ENPEP: variants seen among roughly 807,000 people sequenced by gnomAD.
The protein encoded by ENPEP is glutamyl aminopeptidase.
ENPEP carries 103 observed loss-of-function variants against 114.5 expected under a neutral mutation model. The observed-to-expected ratio is 0.90, with a 90% CI of 0.77 to 1.06. The LOEUF is 1.06. Among genes scored for constraint, ENPEP ranks in the 50% least tolerant of loss-of-function variants. The pLI, the probability that ENPEP is intolerant of heterozygous loss-of-function variation, is 0.00. For synonymous variants in ENPEP, 420 were observed against 422.0 expected, an observed-to-expected ratio of 1.00 and a Z score of 0.06; for missense variants, 1,196 against 1,161.3, an observed-to-expected ratio of 1.03 and a Z score of -0.43.
chr4:110,547,149 G>T (rs1727100580), intron 13 of ENPEP, among the ~76,000 whole-genome samples: 3 of 152,016 alleles, frequency 2.0e-5, no homozygotes, highest in Admixed American at 2.0e-4. Context: ...GCTCAATATA[G>T]AAGAGCAAGA....
intron 18 of ENPEP, among the ~76,000 whole-genome samples, chr4:110,556,831 A>C (rs1170490158): frequency 6.6e-6 from 1 of 152,142 alleles, no homozygotes; most frequent in Non-Finnish European, 1.5e-5. Context: ...TTTAAATTAC[A>C]TTTCTTCCAT....
At chr4:110,523,405 C>T (rs1313104420) in intron 10 of ENPEP, among the ~76,000 whole-genome samples, 1 of 152,074 alleles carries the variant, frequency 6.6e-6, no homozygotes, top group Non-Finnish European at 1.5e-5. Context: ...TAAATTAAAC[C>T]TCTCTTCTTT....
intron 11 of ENPEP, among the ~76,000 whole-genome samples, chr4:110,536,866 T>A (rs1417663223): frequency 6.6e-6 from 1 of 152,230 alleles, no homozygotes; most frequent in Non-Finnish European, 1.5e-5. Flanking sequence ...TGAGAGATAC[T>A]GCAGTTTTGG....
chr4:110,508,283 A>G (rs1171386526), intron 4 of ENPEP, among the ~76,000 whole-genome samples: 1 of 152,006 alleles, frequency 6.6e-6, no homozygotes, highest in Non-Finnish European at 1.5e-5. Flanking sequence ...AAAAAAAAAA[A>G]AAAAATGAGA....
chr4:110,494,862 C>T (rs994766625), intron 3 of ENPEP, among the ~76,000 whole-genome samples: 7 of 152,144 alleles, frequency 4.6e-5, no homozygotes, highest in Non-Finnish European at 1.0e-4. Flanking sequence ...GAATTTTTTA[C>T]AATTCTGCAA....
chr4:110,476,617 C>T lies in ENPEP; in HGVS notation c.203C>T (p.Ser68Leu). 6.2e-7 allele frequency: 1 copy of T among 1,614,202 alleles called. No homozygotes were observed. Among genetic ancestry groups the T allele is most frequent in the Non-Finnish European group, 8.5e-7 (1 of 1,180,044 alleles). Reference protein sequence around the residue: ...SHLPSSTASPSGPPAQDQDIC... With the variant: ...SHLPSSTASPLGPPAQDQDIC... ...CTGCCTTCTTCCACGGCCAGCCCCT[C>T]AGGTCCTCCTGCCCAGGACCAGGAC... is the stretch of plus-strand genomic sequence containing the variant. The change falls in exon 1 of 20, where the codon TCA becomes TTA. Residue 68 changes from serine to leucine, a missense_variant. By Grantham distance (145) the Ser-to-Leu change is moderately radical (BLOSUM62 -2). Coordinates refer to ENST00000265162, the MANE Select transcript of ENPEP (RefSeq NM_001977.4).
intron 3 of ENPEP, among the ~76,000 whole-genome samples, chr4:110,493,748 C>A (rs527832579): frequency 6.6e-6 from 1 of 152,234 alleles, no homozygotes; most frequent in South Asian, 2.1e-4. Context: ...TAGTTGACAC[C>A]CACCCAAGTA....
chr4:110,516,925 C>A (rs1462859346), intron 8 of ENPEP, among the ~76,000 whole-genome samples: 5 of 151,850 alleles, frequency 3.3e-5, no homozygotes, highest in African/African-American at 1.2e-4. Flanking sequence ...TCATATATTC[C>A]CTCACTGTAA....
chr4:110,481,207 C>A (rs1724300132), intron 1 of ENPEP, among the ~76,000 whole-genome samples: 1 of 151,770 alleles, frequency 6.6e-6, no homozygotes, highest in East Asian at 1.9e-4. Context: ...ATACTAAATA[C>A]AAAATGATCT....
rs1230294274 is a variant in ENPEP at position 110,513,552 on chromosome 4, G to A, written c.1443+3G>A. On this transcript the variant is annotated splice_donor_region_variant and intron_variant, in intron 7 of 19. Transcript: ENST00000265162. ...TTGATGGAATATCCTATAGCAAGGT[G>A]GGAGAAATAGAACATTGTTTTGAAC... 1 of 1,610,614 alleles carries A rather than the reference G, an allele frequency of 6.2e-7. No homozygotes were observed. The highest frequency in any genetic ancestry group is 8.5e-7 in the Non-Finnish European group (1 of 1,178,714).
intron 4 of ENPEP, among the ~76,000 whole-genome samples, chr4:110,507,053 G>T (rs1436896339): frequency 6.6e-6 from 1 of 152,200 alleles, no homozygotes; most frequent in Non-Finnish European, 1.5e-5. Flanking sequence ...GCTTGGTAGT[G>T]ATGGAGCCAC....
intron 18 of ENPEP, 118 bp downstream of exon 18, chr4:110,553,573 A>G (rs902103345): frequency 7.8e-5 from 77 of 993,210 alleles, no homozygotes; most frequent in Non-Finnish European, 1.0e-4. Flanking sequence ...TGGCATTATT[A>G]GAGGTAAAGG....
At chr4:110,492,911 A>G (rs550552687) in intron 3 of ENPEP, among the ~76,000 whole-genome samples, 3 of 152,342 alleles carry the variant, frequency 2.0e-5, no homozygotes, top group African/African-American at 7.2e-5. Flanking sequence ...TTCCCATACC[A>G]AGTTTTAAAA....
At chr4:110,531,881 A>G (rs1290582557) in intron 11 of ENPEP, among the ~76,000 whole-genome samples, 1 of 152,098 alleles carries the variant, frequency 6.6e-6, no homozygotes. Context: ...TTGGTGTTTC[A>G]AAACTATTTC....
chr4:110,489,687 A>G (rs549361108), intron 2 of ENPEP, among the ~76,000 whole-genome samples: 1 of 152,290 alleles, frequency 6.6e-6, no homozygotes, highest in Admixed American at 6.5e-5. Flanking sequence ...TCTCATCCCT[A>G]TAATGGATAA....
At chr4:110,486,489 T>TA (rs770780128) in intron 1 of ENPEP, among the ~76,000 whole-genome samples, 3 of 152,276 alleles carry the variant, frequency 2.0e-5, no homozygotes, top group Non-Finnish European at 4.4e-5. Flanking sequence ...ACTTTGCACT[T>TA]ACGGTTCCTT....
chr4:110,480,900 G>T (rs1724290105), intron 1 of ENPEP, among the ~76,000 whole-genome samples: 2 of 152,134 alleles, frequency 1.3e-5, no homozygotes, highest in Admixed American at 1.3e-4. Context: ...CCACTTGGAA[G>T]GATTGGAACC....
rs189727522 is a variant in ENPEP at position 110,519,028 on chromosome 4, T to A, written c.1510-980T>A. 2.6e-4 allele frequency: 116 copies of A among 452,386 alleles called. 2 individuals are homozygous for A. In the East Asian group the frequency reaches 3.5e-3, roughly 14 times the overall value. The allele number at this position is 452,386 out of a possible 1,614,324, so 28.0% of individuals were successfully genotyped here. A position where few individuals can be genotyped will look rare whatever the true frequency, so the allele number is the denominator to read the frequency against. On this transcript the variant is annotated intron_variant, in intron 8 of 19. Transcript: ENST00000265162. ...ATGATGAATGATTTGTGCAACTTTC[T>A]GTAATGAATACCTAAAAGTGATTGC... is the stretch of plus-strand genomic sequence containing the variant.
chr4:110,519,251 C>T (rs1725893646), intron 8 of ENPEP: 1 of 333,098 alleles, frequency 3.0e-6, no homozygotes, highest in South Asian at 2.5e-5. Flanking sequence ...ACAGCACCTA[C>T]TGAAAATTAT....
Sources: allele counts gnomAD v4.1 joint callset (sites outside exome capture counted in the v4.1 genomes callset), GRCh38; gene constraint gnomAD v4.1.1; transcripts MANE v1.5; gene names NCBI Gene and HGNC (gene_info 2026-07-23, HGNC 2026-07-21).